Variants in TRAF2 observed in about 807,000 individuals in gnomAD.
TRAF2 encodes the protein TNF receptor associated factor 2, also known as TNF receptor-associated factor 2.
Under a neutral mutation model 55.6 loss-of-function variants are expected in TRAF2, and 6 were observed. The ratio of observed to expected loss-of-function variants is 0.11; its 90% CI spans 0.06 to 0.21. The LOEUF is 0.21. Ranked by LOEUF, TRAF2 falls within the 10% of genes least tolerant of loss-of-function variation. The probability of loss-of-function intolerance (pLI) is 1.00; values close to 1 mark genes in which losing one functional copy is unlikely to be tolerated. For synonymous variants in TRAF2, 329 were observed against 276.3 expected, an observed-to-expected ratio of 1.19 and a Z score of -1.89; for missense variants, 561 against 684.5, an observed-to-expected ratio of 0.82 and a Z score of 2.01.
chr9:136,889,088 T>A (rs1475551453), intron 1 of TRAF2, among the ~76,000 whole-genome samples: 1 of 152,166 alleles, frequency 6.6e-6, no homozygotes, highest in Non-Finnish European at 1.5e-5. Context: ...GTGGTCTCGA[T>A]CTGATCTCGT....
intron 9 of TRAF2, among the ~76,000 whole-genome samples, chr9:136,922,140 G>A (rs1019110224): frequency 2.0e-5 from 3 of 152,230 alleles, no homozygotes; most frequent in Non-Finnish European, 4.4e-5. Flanking sequence ...CCTCGAGGCG[G>A]AAAGAGACCC....
chr9:136,887,335 A>G (rs1396994514), intron 1 of TRAF2, among the ~76,000 whole-genome samples: 1 of 152,182 alleles, frequency 6.6e-6, no homozygotes, highest in Non-Finnish European at 1.5e-5. Flanking sequence ...TTCCTAGGCC[A>G]AGATGAAGGA....
intron 5 of TRAF2, among the ~76,000 whole-genome samples, chr9:136,908,460 C>T (rs944347286): frequency 1.3e-5 from 2 of 152,322 alleles, no homozygotes; most frequent in African/African-American, 2.4e-5. Flanking sequence ...CGGCGGCTCA[C>T]GCCTGTAATC....
Position 136,892,855 on chromosome 9 carries a change from G to A in TRAF2, c.-28-5858G>A, listed in dbSNP as rs141287063. Among the ~76,000 whole-genome samples the A allele has an allele frequency of 1.5e-3, 228 of 152,298 alleles. 1 individual carries two copies. The highest frequency in any genetic ancestry group is 5.3e-3 in the African/African-American group (219 of 41,552). On this transcript the variant is annotated intron_variant, in intron 1 of 10. Coordinates refer to ENST00000247668, the MANE Select transcript of TRAF2 (RefSeq NM_021138.4). ...CACACCGTTGCACTCCCGCCTGAGC[G>A]ACAGAGCAAGACTCTGTCTCACATG...
At chr9:136,912,152 C>CT (rs1180324647) in intron 6 of TRAF2, among the ~76,000 whole-genome samples, 1,167 of 58,326 alleles carry the variant, frequency 0.02, 109 homozygotes, top group Middle Eastern at 0.089. Flanking sequence ...GCGTCTGGCC[C>CT]TTTTTTTTTT....
At chr9:136,903,220 A>AG (rs1849862407) in intron 4 of TRAF2, among the ~76,000 whole-genome samples, 1 of 152,194 alleles carries the variant, frequency 6.6e-6, no homozygotes, top group Non-Finnish European at 1.5e-5. Flanking sequence ...CAAAGTGCTG[A>AG]GATTCCTGGC....
chr9:136,899,655 A>G lies in TRAF2; in HGVS notation c.250A>G (p.Ile84Val), dbSNP rs761971471. The G allele has an allele frequency of 9.4e-5, 152 of 1,612,846 alleles. No homozygotes were observed. The highest frequency in any genetic ancestry group is 1.2e-4 in the Non-Finnish European group (143 of 1,179,156). Residue 84 changes from isoleucine to valine, a missense_variant, in exon 3 of 11, where the codon ATT becomes GTT. Physicochemically the swap from Ile to Val is conservative, Grantham distance 29 (BLOSUM62 3). Coordinates refer to ENST00000247668, the MANE Select transcript of TRAF2 (RefSeq NM_021138.4). ...GGGCATATATGAAGAAGGCATTTCT[A>G]TTTTAGAAAGCAGTTCGGTAAGTAA... ...HEGIYEEGIS[I>V]LESSSAFPDN...
intron 1 of TRAF2, among the ~76,000 whole-genome samples, chr9:136,894,035 A>C (rs1361528713): frequency 7.0e-6 from 1 of 141,858 alleles, no homozygotes. Flanking sequence ...GGTGTGAGCC[A>C]CTGCGCCTGG....
chr9:136,893,772 C>G (rs755786246), intron 1 of TRAF2, among the ~76,000 whole-genome samples: 1 of 151,866 alleles, frequency 6.6e-6, no homozygotes, highest in Non-Finnish European at 1.5e-5. Context: ...TTTTTCGAGA[C>G]GGAGTCTCAC....
At chr9:136,921,573 C>T (rs530510630) in intron 9 of TRAF2, among the ~76,000 whole-genome samples, 9 of 139,138 alleles carry the variant, frequency 6.5e-5, no homozygotes, top group South Asian at 5.3e-4. Context: ...GAAGACAGGG[C>T]GGGTGGGGGT....
intron 6 of TRAF2, chr9:136,910,197 C>G (rs1588435195): frequency 1.6e-6 from 1 of 613,522 alleles, no homozygotes. Flanking sequence ...GGCTGAGTCC[C>G]GAGCCCTCTT....
At chr9:136,920,837 C>T (rs1047983781) in intron 8 of TRAF2, among the ~76,000 whole-genome samples, 3 of 152,156 alleles carry the variant, frequency 2.0e-5, no homozygotes, top group Middle Eastern at 3.2e-3. Flanking sequence ...CTTGCTGGCC[C>T]GGAGCTTCTG....
At position 136,909,961 on chromosome 9, in the gene TRAF2, C is replaced by T. The variant is rs17250428; in HGVS notation, c.570C>T (p.Asp190=). Reference sequence around the variant, plus strand: ...GCCCCAAGTTCCCCTTAACTTGTGACGGCTGCGGCAAGAAGAAGATCCCCC... The same window carrying T: ...GCCCCAAGTTCCCCTTAACTTGTGATGGCTGCGGCAAGAAGAAGATCCCCC... The part of the protein sequence containing the change: ...EVCPKFPLTC[D]GCGKKKIPRE... The change falls in exon 6 of 11, where the codon GAC becomes GAT. Residue 190 remains aspartate (D), a synonymous_variant. Transcript: ENST00000247668. 5.0e-4 allele frequency: 814 copies of T among 1,614,040 alleles called. 3 individuals carry two copies. In the African/African-American group the frequency reaches 8.4e-3, roughly 17 times the overall value.
At chr9:136,907,051 C>T (rs1287340527) in intron 4 of TRAF2, among the ~76,000 whole-genome samples, 3 of 152,238 alleles carry the variant, frequency 2.0e-5, no homozygotes, top group Non-Finnish European at 4.4e-5. Flanking sequence ...CCTGGGGCAG[C>T]AGTGGGCTGG....
upstream of TRAF2, among the ~76,000 whole-genome samples, chr9:136,884,934 C>T (rs1204456744): frequency 6.6e-6 from 1 of 152,236 alleles, no homozygotes; most frequent in Non-Finnish European, 1.5e-5. Flanking sequence ...GGAGGAGACG[C>T]CTTCTTACGT....
chr9:136,882,219 C>T (rs898872255), upstream of TRAF2, among the ~76,000 whole-genome samples: 1 of 152,206 alleles, frequency 6.6e-6, no homozygotes, highest in South Asian at 2.1e-4. Flanking sequence ...CCAAGGGAAG[C>T]CAAGCATCCA....
At position 136,905,703 on chromosome 9, in the gene TRAF2, G is replaced by A. The variant is rs17250323; in HGVS notation, c.367-2367G>A. The stretch of plus-strand genomic sequence containing the variant: ...TCATAGCAGACTTCTCCCAAAAGAC[G>A]TGTTTAACTCTGGCCAGGCACAGGG... On this transcript the variant is annotated intron_variant, in intron 4 of 10. Transcript: ENST00000247668. Among the ~76,000 whole-genome samples, 617 of 152,210 alleles carry A rather than the reference G, an allele frequency of 4.1e-3. 5 individuals are homozygous for A. Among genetic ancestry groups the A allele is most frequent in the African/African-American group, 0.015 (603 of 41,524 alleles).
chr9:136,889,964 G>T (rs1193460975), intron 1 of TRAF2, among the ~76,000 whole-genome samples: 1 of 145,078 alleles, frequency 6.9e-6, no homozygotes, highest in African/African-American at 2.6e-5. Flanking sequence ...CCCACCGCAC[G>T]CTCGTTCAGC....
chr9:136,908,491 G>A (rs1442612367), intron 5 of TRAF2, among the ~76,000 whole-genome samples: 2 of 152,212 alleles, frequency 1.3e-5, no homozygotes. Context: ...GGGAGGCTGA[G>A]GCGGGCGGAT....
Sources: gnomAD v4.1 joint callset for allele counts (sites outside exome capture counted in the v4.1 genomes callset) on GRCh38, gnomAD v4.1.1 for gene constraint, MANE v1.5 for transcripts, NCBI Gene and HGNC (gene_info 2026-07-23, HGNC 2026-07-21) for gene names.